FAM13A: variants seen among roughly 807,000 people sequenced by gnomAD.
FAM13A encodes protein FAM13A.
FAM13A carries 76 observed loss-of-function variants against 129.6 expected under a neutral mutation model. The observed-to-expected ratio is 0.59, with a 90% CI of 0.49 to 0.71. The LOEUF is 0.71. FAM13A is among the 30% of genes least tolerant of loss of function. FAM13A has a pLI of 0.00. For missense variants in FAM13A, 1,108 were observed against 1,249.3 expected, an observed-to-expected ratio of 0.89 and a Z score of 1.70; for synonymous variants, 443 against 449.9, an observed-to-expected ratio of 0.98 and a Z score of 0.20.
intron 6 of FAM13A, among the ~76,000 whole-genome samples, chr4:88,894,371 A>G (rs1352124843): frequency 1.3e-5 from 2 of 152,220 alleles, no homozygotes; most frequent in Non-Finnish European, 2.9e-5. Flanking sequence ...CATATTGAAC[A>G]GAAAAAAAAT....
intron 1 of FAM13A, among the ~76,000 whole-genome samples, chr4:89,047,021 C>A (rs1770941426): frequency 6.6e-6 from 1 of 152,148 alleles, no homozygotes; most frequent in Non-Finnish European, 1.5e-5. Context: ...CAGTGCCCAG[C>A]AAAAGCTGGA....
intron 4 of FAM13A, among the ~76,000 whole-genome samples, chr4:88,958,621 T>C (rs1758136949): frequency 6.6e-6 from 1 of 152,236 alleles, no homozygotes; most frequent in Non-Finnish European, 1.5e-5. Context: ...GAAAGCCTGG[T>C]TGTCCAGGCA....
intron 19 of FAM13A, among the ~76,000 whole-genome samples, chr4:88,740,715 C>T (rs939322930): frequency 6.6e-6 from 1 of 152,132 alleles, no homozygotes; most frequent in Non-Finnish European, 1.5e-5. Flanking sequence ...TCCTTTGTTG[C>T]CTTTTGTATT....
intron 4 of FAM13A, among the ~76,000 whole-genome samples, chr4:88,945,990 G>GTGTGTGTGTTTATATATATA: frequency 1.6e-5 from 1 of 61,962 alleles, no homozygotes; most frequent in East Asian, 3.4e-4. Context: ...GTGTGTGTGT[G>GTGTGTGTGTTTATATATATA]TATATATATA....
intron 19 of FAM13A, among the ~76,000 whole-genome samples, chr4:88,743,638 A>C (rs1416918941): frequency 1.3e-5 from 2 of 152,180 alleles, no homozygotes; most frequent in African/African-American, 4.8e-5. Flanking sequence ...ATGCTCAATC[A>C]ATAGCGCATC....
Position 88,851,175 on chromosome 4 carries a change from T to C in FAM13A, c.852A>G (p.Lys284=). The C allele has an allele frequency of 6.3e-7, 1 of 1,589,554 alleles. No homozygotes were observed. Among genetic ancestry groups the C allele is most frequent in the Non-Finnish European group, 8.6e-7 (1 of 1,164,852 alleles). The change falls in exon 7 of 24, where the codon AAA becomes AAG. Residue 284 remains lysine (K), a synonymous_variant. Transcript: ENST00000264344. ...CCTGAATAGATCCCTCACTCCTGGA[T>C]TTTGGGATCTAGAAGAAAAAAAAAA... ...PKPPPKTKIP[K]SRSEGSIQAH... is the part of the protein sequence containing the mutation.
At chr4:88,809,593 T>C (rs1158898499) in intron 7 of FAM13A, among the ~76,000 whole-genome samples, 2 of 152,146 alleles carry the variant, frequency 1.3e-5, no homozygotes, top group Non-Finnish European at 2.9e-5. Flanking sequence ...AAACATTTTT[T>C]CAGGAACTCA....
At chr4:88,853,449 TATTTC>T (rs1483699460) in intron 6 of FAM13A, among the ~76,000 whole-genome samples, 1 of 152,200 alleles carries the variant, frequency 6.6e-6, no homozygotes, top group Non-Finnish European at 1.5e-5. Flanking sequence ...CGCTGTTATA[TATTTC>T]ATTAAGGAGC....
At chr4:89,033,890 A>G (rs114316320) in intron 1 of FAM13A, among the ~76,000 whole-genome samples, 2,241 of 152,338 alleles carry the variant, frequency 0.015, 60 homozygotes, top group African/African-American at 0.051. Context: ...CAGAATAATG[A>G]AACTGGACCC....
chr4:88,746,566 T>TG (rs1403323314), intron 19 of FAM13A, among the ~76,000 whole-genome samples: 2 of 152,172 alleles, frequency 1.3e-5, no homozygotes, highest in African/African-American at 4.8e-5. Context: ...GACAGCTTAT[T>TG]GGGGGAGACC....
rs775770217 is a variant in FAM13A, at chr4:89,029,666, A to G, written c.28-17T>C. ...TTTACTTTGCTTAAAGGAGCGTAAG[A>G]AAAAAGAGCAGTCAGTCATATTTAC... On this transcript the variant is annotated splice_polypyrimidine_tract_variant and intron_variant, in intron 1 of 23. Transcript: ENST00000264344. The G allele has an allele frequency of 1.9e-6, 3 of 1,569,916 alleles. No individual in the cohort carries two copies. The South Asian group carries it at 3.6e-5, about 19-fold the overall frequency.
chr4:88,873,498 G>T (rs1428613391), intron 6 of FAM13A, among the ~76,000 whole-genome samples: 1 of 152,184 alleles, frequency 6.6e-6, no homozygotes, highest in East Asian at 1.9e-4. Context: ...TACCATCAGA[G>T]AATACTATAA....
chr4:88,830,988 T>A (rs1379437288), intron 7 of FAM13A, among the ~76,000 whole-genome samples: 1 of 152,068 alleles, frequency 6.6e-6, no homozygotes, highest in Non-Finnish European at 1.5e-5. Flanking sequence ...TGGATGCTTT[T>A]TTTTTTTTAA....
intron 6 of FAM13A, among the ~76,000 whole-genome samples, chr4:88,861,807 T>G (rs1739538105): frequency 6.6e-6 from 1 of 152,186 alleles, no homozygotes; most frequent in African/African-American, 2.4e-5. Context: ...ACATTATCTA[T>G]CTATCTATTC....
In FAM13A at chr4:88,892,712, A is replaced by C. The variant is rs146122470; in HGVS notation, c.843+13667T>G. Among the ~76,000 whole-genome samples, 5 of 152,332 alleles carry C rather than the reference A, an allele frequency of 3.3e-5. No individual in the cohort carries two copies. The East Asian group carries it at 7.7e-4, about 24-fold the overall frequency. On this transcript the variant is annotated intron_variant, in intron 6 of 23. Transcript: ENST00000264344. ...TGGGAGTAAGTCAAGGAGGCATGCT[A>C]TCACCGCTTTTACCTAACCTTGTAC...
chr4:88,902,109 T>C (rs1042599123), intron 6 of FAM13A, among the ~76,000 whole-genome samples: 2 of 151,930 alleles, frequency 1.3e-5, no homozygotes, highest in Non-Finnish European at 1.5e-5. Context: ...ATTGAGGAAG[T>C]AAGAAAATAG....
chr4:88,921,666 A>C (rs1488893971), intron 5 of FAM13A, among the ~76,000 whole-genome samples: 1 of 152,226 alleles, frequency 6.6e-6, no homozygotes, highest in Non-Finnish European at 1.5e-5. Context: ...TAATCAGCTA[A>C]CATCACAATG....
Position 88,843,111 on chromosome 4 carries a change from T to C in FAM13A, c.1007+7909A>G, listed in dbSNP as rs189901434. Reference sequence around the variant, plus strand: ...TTACAAAATGGTCTGCATGCAAAGATAGAGTTAGATATTTCTTCTAATCCA... The same window carrying C: ...TTACAAAATGGTCTGCATGCAAAGACAGAGTTAGATATTTCTTCTAATCCA... On this transcript the variant is annotated intron_variant, in intron 7 of 23. Transcript: ENST00000264344. Among the ~76,000 whole-genome samples, 10 of 152,350 alleles carry C rather than the reference T, an allele frequency of 6.6e-5. No individual in the cohort carries two copies. In the East Asian group the frequency reaches 1.5e-3, roughly 23 times the overall value.
At chr4:89,003,742 A>G (rs1764610001) in intron 3 of FAM13A, among the ~76,000 whole-genome samples, 2 of 152,212 alleles carry the variant, frequency 1.3e-5, no homozygotes, top group African/African-American at 4.8e-5. Context: ...ATTAATTATA[A>G]ATTTAACTAA....
Sources: allele counts gnomAD v4.1 joint callset (sites outside exome capture counted in the v4.1 genomes callset), GRCh38; gene constraint gnomAD v4.1.1; transcripts MANE v1.5; gene names NCBI Gene and HGNC (gene_info 2026-07-23, HGNC 2026-07-21).